The following PAM16 variants were observed in gnomAD, a reference collection of about 807,000 sequenced individuals.
PAM16 encodes the protein presequence translocase associated motor 16, also known as mitochondrial import inner membrane translocase subunit TIM16.
PAM16 carries 11 observed loss-of-function variants against 17.9 expected under a neutral mutation model. The observed-to-expected ratio is 0.62, with a 90% CI of 0.39 to 1.02. The LOEUF (loss-of-function observed/expected upper bound fraction) is 1.02. Among genes scored for constraint, PAM16 ranks in the 50% least tolerant of loss-of-function variants. The pLI is 0.01. For synonymous variants in PAM16, 72 were observed against 67.4 expected (o/e 1.07, Z -0.34); for missense variants, 199 against 165.4 (o/e 1.20, Z -1.11).
intron 2 of PAM16, among the ~76,000 whole-genome samples, chr16:4,342,136 G>A (rs1306081378): frequency 6.6e-6 from 1 of 151,972 alleles, no homozygotes; most frequent in African/African-American, 2.4e-5. Context: ...AGATCACGAG[G>A]TCAAGAGATC....
chr16:4,340,484 C>T lies in PAM16; in HGVS notation c.292-79G>A, dbSNP rs2053626611. 4.6e-6 allele frequency: 7 copies of T among 1,508,596 alleles called. No individual in the cohort carries two copies. In the Admixed American group the frequency reaches 9.4e-5, roughly 20 times the overall value. 93.5% of individuals were successfully genotyped at this position (1,508,596 alleles called of 1,614,324 possible). The stretch of plus-strand genomic sequence containing the variant: ...TTGCCCACATGGGATGGCCTATTCC[C>T]ATCAGCCCAGGTCCATTTTTTGAAG... On this transcript the variant is annotated intron_variant, in intron 4 of 4. Coordinates refer to ENST00000318059, the MANE Select transcript of PAM16 (RefSeq NM_016069.11).
intron 3 of PAM16, among the ~76,000 whole-genome samples, 184 bp downstream of exon 3, chr16:4,341,182 CTT>C (rs918001063): frequency 4.1e-4 from 63 of 152,346 alleles, no homozygotes; most frequent in African/African-American, 1.3e-3. Context: ...GGAAGGCACT[CTT>C]TGTCTCTAGA....
intron 1 of PAM16, chr16:4,343,812 A>T (rs996137413): frequency 5.0e-6 from 2 of 399,766 alleles, no homozygotes; most frequent in African/African-American, 4.1e-5. Context: ...CAAACTTACT[A>T]TGCAAACCTG....
intron 1 of PAM16, among the ~76,000 whole-genome samples, chr16:4,348,944 TA>T (rs2053801592): frequency 8.1e-6 from 1 of 122,916 alleles, no homozygotes; most frequent in African/African-American, 3.1e-5. Context: ...GTACCCGGCC[TA>T]GCACTTTCTT....
At position 4,341,398 on chromosome 16, in the gene PAM16, C is replaced by T. The variant is rs763488207; in HGVS notation, c.195G>A (p.Val65=). The change falls in exon 3 of 5, where the codon GTG becomes GTA. Residue 65 remains valine (V), a synonymous_variant. Transcript: ENST00000318059. ...SLQEAQQILN[V]SKLSPEEVQK... The stretch of plus-strand genomic sequence containing the variant: ...GGACCTCCTCAGGGCTCAGCTTGGA[C>T]ACGTTGAGAATCTGCTGTGCCTCCT... 3.8e-6 allele frequency: 6 copies of T among 1,593,434 alleles called. No homozygotes were observed. Among genetic ancestry groups the T allele is most frequent in the Admixed American group, 1.8e-5 (1 of 56,954 alleles).
chr16:4,340,474 G>C, intron 4 of PAM16, 69 bp from the exon 5 acceptor site: 4 of 1,530,164 alleles, frequency 2.6e-6, no homozygotes, highest in Non-Finnish European at 2.7e-6. Flanking sequence ...CACATGGGAT[G>C]GCCTATTCCC....
At chr16:4,348,049 G>A (rs1398942911) in intron 1 of PAM16, 1 of 152,224 alleles carries the variant, frequency 6.6e-6, no homozygotes, top group East Asian at 1.9e-4. Flanking sequence ...CCCAGGCTCT[G>A]GGTAGATAAG....
Position 4,351,269 on chromosome 16 carries a change from CT to C in PAM16, c.-36del. 2 of 1,457,304 alleles carry C rather than the reference CT, an allele frequency of 1.4e-6. No homozygotes were observed. The highest frequency in any genetic ancestry group is 9.1e-7 in the Non-Finnish European group (1 of 1,096,696). 90.3% of individuals were successfully genotyped at this position (1,457,304 alleles called of 1,614,324 possible). A position where few individuals can be genotyped will look rare whatever the true frequency, so the allele number is the denominator to read the frequency against. On this transcript the variant is annotated 5_prime_UTR_variant, in exon 1 of 5. Coordinates refer to ENST00000318059, the MANE Select transcript of PAM16 (RefSeq NM_016069.11). ...TCTGCCTCCGGGGCTCAAACTCCGA[CT>C]TCCTGGCCCCGCGGCCGGGGATCAA...
intron 1 of PAM16, among the ~76,000 whole-genome samples, chr16:4,348,849 G>A (rs1378137384): frequency 6.6e-6 from 1 of 151,256 alleles, no homozygotes; most frequent in Non-Finnish European, 1.5e-5. Context: ...TACAGAGAGG[G>A]TTTCACCGTG....
chr16:4,351,055 C>A (rs1243559299), intron 1 of PAM16, 177 bp downstream of exon 1: 11 of 344,174 alleles, frequency 3.2e-5, no homozygotes, highest in East Asian at 2.8e-4. Flanking sequence ...CTGAGGCCGC[C>A]GGTGCCGCCG....
rs759771018 is a variant in PAM16 at position 4,351,292 on chromosome 16, T to C, written c.-58A>G. 7.3e-7 allele frequency: 1 copy of C among 1,377,156 alleles called. No homozygotes were observed. Among genetic ancestry groups the C allele is most frequent in the Admixed American group, 2.4e-5 (1 of 41,964 alleles). The allele number at this position is 1,377,156 out of a possible 1,614,324, so 85.3% of individuals were successfully genotyped here. ...GACTTCCTGGCCCCGCGGCCGGGGA[T>C]CAAGCGTGGTCGGCGGGTCAGAGGT... is the stretch of plus-strand genomic sequence containing the variant. On this transcript the variant is annotated 5_prime_UTR_variant, in exon 1 of 5. Transcript: ENST00000318059.
chr16:4,350,424 C>T (rs2053832184), intron 1 of PAM16, among the ~76,000 whole-genome samples: 1 of 149,772 alleles, frequency 6.7e-6, no homozygotes, highest in Admixed American at 6.7e-5. Flanking sequence ...TTTTTTGAGA[C>T]GCAGTCTCAC....
intron 2 of PAM16, among the ~76,000 whole-genome samples, chr16:4,342,947 G>A (rs1267894372): frequency 6.6e-6 from 1 of 152,198 alleles, no homozygotes; most frequent in African/African-American, 2.4e-5. Context: ...GACAGAGTGA[G>A]ACTCCATCTC....
chr16:4,342,776 T>C (rs1382194099), intron 2 of PAM16, among the ~76,000 whole-genome samples: 3 of 151,082 alleles, frequency 2.0e-5, no homozygotes, highest in African/African-American at 4.9e-5. Context: ...ATGGCCAACA[T>C]AGTGAAACCC....
rs575054504 is a variant in PAM16 at position 4,341,274 on chromosome 16, C to A, written c.225+94G>T. 203 of 1,494,338 alleles carry A rather than the reference C, an allele frequency of 1.4e-4. 1 individual carries two copies. In the African/African-American group the frequency reaches 2.6e-3, roughly 19 times the overall value. 92.6% of individuals were successfully genotyped at this position (1,494,338 alleles called of 1,614,324 possible). On this transcript the variant is annotated intron_variant, in intron 3 of 4. Transcript: ENST00000318059. ...AGTCCGAGCTGGGTGCAGCTGCAGC[C>A]TCCACATCGGACCTCCCTGGCCAGG...
intron 1 of PAM16, chr16:4,345,723 G>T: frequency 3.4e-6 from 1 of 298,370 alleles, no homozygotes; most frequent in Non-Finnish European, 5.0e-6. Context: ...GAGGGGCAGG[G>T]CTGTGGCTGT....
At chr16:4,349,915 G>C (rs2053821119) in intron 1 of PAM16, among the ~76,000 whole-genome samples, 1 of 152,116 alleles carries the variant, frequency 6.6e-6, no homozygotes, top group Non-Finnish European at 1.5e-5. Context: ...ATGACAGCAG[G>C]ACTTCATAAA....
chr16:4,343,640 G>C, intron 1 of PAM16: 1 of 1,171,302 alleles, frequency 8.5e-7, no homozygotes. Context: ...CACAGGGACA[G>C]CCCTGGACCT....
intron 1 of PAM16, chr16:4,343,787 T>C (rs2053688991): frequency 2.5e-6 from 1 of 403,318 alleles, no homozygotes; most frequent in Non-Finnish European, 4.3e-6. Context: ...TTTAAGTCCA[T>C]TCCATTCAAT....
Sources: gnomAD v4.1 joint callset for allele counts (sites outside exome capture counted in the v4.1 genomes callset) on GRCh38, gnomAD v4.1.1 for gene constraint, MANE v1.5 for transcripts, NCBI Gene and HGNC (gene_info 2026-07-23, HGNC 2026-07-21) for gene names.